REEP5: variants seen among roughly 807,000 people sequenced by gnomAD.
REEP5 encodes receptor expression-enhancing protein 5.
A neutral mutation model predicts 22.4 loss-of-function variants in REEP5; 24 were observed. The observed-to-expected ratio is 1.07, with a 90% CI of 0.78 to 1.51. The LOEUF (loss-of-function observed/expected upper bound fraction) is 1.51, where lower values mean the gene tolerates loss of function less well. Among genes scored for constraint, REEP5 ranks in the 40% most tolerant of loss-of-function variants. REEP5 has a pLI of 0.00. For synonymous variants in REEP5, 103 were observed against 88.6 expected, an observed-to-expected ratio of 1.16 and a Z score of -0.92; for missense variants, 252 against 233.0, an observed-to-expected ratio of 1.08 and a Z score of -0.53.
intron 2 of REEP5, among the ~76,000 whole-genome samples, chr5:112,919,501 G>A (rs536539225): frequency 4.6e-5 from 7 of 152,286 alleles, no homozygotes; most frequent in South Asian, 2.1e-4. Flanking sequence ...CAGGGATGGC[G>A]GTTGCAGTGA....
chr5:112,919,461 T>G (rs893572918), intron 2 of REEP5, among the ~76,000 whole-genome samples: 1 of 151,800 alleles, frequency 6.6e-6, no homozygotes, highest in African/African-American at 2.4e-5. Context: ...GGCAGGAGAA[T>G]TGCTTGAATT....
Position 112,887,082 on chromosome 5 carries a change from C to A in REEP5, c.453G>T (p.Gln151His). Reference sequence around the variant, plus strand: ...TAAGGTCCTTGACCACACTGTCCATCTGGGACTCGTGCTTCAGGAAGAAAG... The same window carrying A: ...TAAGGTCCTTGACCACACTGTCCATATGGGACTCGTGCTTCAGGAAGAAAG... ...IRPFFLKHES[Q>H]MDSVVKDLKD... Residue 151 changes from glutamine (Q) to histidine (H), a missense_variant, in exon 4 of 5, where the codon CAG becomes CAT. Coordinates refer to ENST00000379638, the MANE Select transcript of REEP5 (RefSeq NM_005669.5). The A allele has an allele frequency of 6.2e-7, 1 of 1,613,804 alleles. No individual in the cohort carries two copies.
intron 2 of REEP5, among the ~76,000 whole-genome samples, chr5:112,904,499 A>G (rs1438927004): frequency 6.6e-6 from 1 of 152,260 alleles, no homozygotes; most frequent in African/African-American, 2.4e-5. Flanking sequence ...GCTCACAACT[A>G]TGTACTTCCA....
intron 4 of REEP5, among the ~76,000 whole-genome samples, chr5:112,879,771 C>T (rs886273531): frequency 1.3e-5 from 2 of 152,022 alleles, no homozygotes; most frequent in Admixed American, 1.3e-4. Flanking sequence ...CCACCATGCC[C>T]GGCCTCTTCC....
chr5:112,878,482 G>C lies in REEP5; in HGVS notation c.*304C>G. On this transcript the variant is annotated 3_prime_UTR_variant, in exon 5 of 5. Transcript: ENST00000379638. ...AGCCCAGTAAAGTACACAGCCTGTG[G>C]GGTATATAATTTTATTTTAAGTTTA... The C allele has an allele frequency of 2.8e-6, 1 of 361,248 alleles. No individual in the cohort carries two copies. The highest frequency in any genetic ancestry group is 5.0e-6 in the Non-Finnish European group (1 of 201,002). 22.4% of individuals were successfully genotyped at this position (361,248 alleles called of 1,614,324 possible). A position where few individuals can be genotyped will look rare whatever the true frequency, so the allele number is the denominator to read the frequency against.
Position 112,913,575 on chromosome 5 carries a change from C to G in REEP5, c.212+7588G>C, listed in dbSNP as rs534937554. Among the ~76,000 whole-genome samples the G allele has an allele frequency of 5.6e-5, 8 of 141,920 alleles. No homozygotes were observed. In the South Asian group the frequency reaches 1.8e-3, roughly 33 times the overall value. The allele number at this position is 141,920 out of a possible 152,430, so 93.1% of individuals were successfully genotyped here. On this transcript the variant is annotated intron_variant, in intron 2 of 4. Transcript: ENST00000379638. ...AAAAAAAAAAAAAATTAAGATGAGTCTATAGAATACCTATAATGAAGTATA... is the reference window on the plus strand; with the variant it reads ...AAAAAAAAAAAAAATTAAGATGAGTGTATAGAATACCTATAATGAAGTATA...
chr5:112,890,245 C>G lies in REEP5; in HGVS notation c.352-3062G>C, dbSNP rs1486106424. On this transcript the variant is annotated intron_variant, in intron 3 of 4. Transcript: ENST00000379638. ...GTCGAGACTGCAGTGAGCTGTGATA[C>G]CATCACTGCAATCCAGGCTTGGTGA... Among the ~76,000 whole-genome samples, 19 of 150,318 alleles carry G rather than the reference C, an allele frequency of 1.3e-4. 3 individuals are homozygous for G. The East Asian group carries it at 3.9e-3, about 30-fold the overall frequency.
At chr5:112,919,824 A>T (rs1769312619) in intron 2 of REEP5, among the ~76,000 whole-genome samples, 1 of 152,188 alleles carries the variant, frequency 6.6e-6, no homozygotes, top group South Asian at 2.1e-4. Context: ...ATTTTGTTAT[A>T]GCAGCCCAAG....
At chr5:112,905,556 C>CAA (rs111300443) in intron 2 of REEP5, among the ~76,000 whole-genome samples, 9 of 143,124 alleles carry the variant, frequency 6.3e-5, no homozygotes, top group Non-Finnish European at 1.1e-4. Context: ...AAAAACAAAA[C>CAA]AAAAAAAAAA....
At chr5:112,886,033 T>C (rs80261473) in intron 4 of REEP5, among the ~76,000 whole-genome samples, 53 of 152,330 alleles carry the variant, frequency 3.5e-4, no homozygotes, top group African/African-American at 1.3e-3. Flanking sequence ...ACATGGCCTC[T>C]CCACTTGGTG....
At position 112,892,228 on chromosome 5, in the gene REEP5, A is replaced by G. The variant is rs1253489938; in HGVS notation, c.352-5045T>C. 9 of 1,614,170 alleles carry G rather than the reference A, an allele frequency of 5.6e-6. No homozygotes were observed. In the Middle Eastern group the frequency reaches 8.2e-4, roughly 148 times the overall value. ...TGGAGACAGATGTTCACGTAAACAT[A>G]ATTTCCCAACATCTAGTCCTACCCT... On this transcript the variant is annotated intron_variant, in intron 3 of 4. Coordinates refer to ENST00000379638, the MANE Select transcript of REEP5 (RefSeq NM_005669.5).
At chr5:112,893,020 C>G (rs770782704) in intron 3 of REEP5, 3 of 1,523,180 alleles carry the variant, frequency 2.0e-6, no homozygotes, top group Non-Finnish European at 2.7e-6. Flanking sequence ...GTGCCGAAGT[C>G]GTGGGAGGAG....
At chr5:112,897,595 C>G (rs1768730185) in intron 3 of REEP5, 1 of 152,146 alleles carries the variant, frequency 6.6e-6, no homozygotes. Flanking sequence ...CAGAGCAAAG[C>G]TCAGAATATG....
At chr5:112,913,526 T>C (rs999398959) in intron 2 of REEP5, among the ~76,000 whole-genome samples, 3 of 115,570 alleles carry the variant, frequency 2.6e-5, no homozygotes, top group African/African-American at 1.0e-4. Context: ...TGACAGAGTA[T>C]GACCCTGGCT....
chr5:112,892,667 A>G (rs1768517670), intron 3 of REEP5: 1 of 1,613,972 alleles, frequency 6.2e-7, no homozygotes, highest in Non-Finnish European at 8.5e-7. Flanking sequence ...CCCAACAATG[A>G]ATTCTGGGAA....
intron 4 of REEP5, 32 bp downstream of exon 4, chr5:112,886,981 TCA>T (rs1353193977): frequency 1.3e-6 from 2 of 1,511,728 alleles, no homozygotes; most frequent in Admixed American, 1.8e-5. Flanking sequence ...ACATCTCCTC[TCA>T]CATGTGGGGC....
intron 3 of REEP5, among the ~76,000 whole-genome samples, chr5:112,901,090 C>T (rs1047674188): frequency 6.6e-6 from 1 of 152,056 alleles, no homozygotes; most frequent in Non-Finnish European, 1.5e-5. Flanking sequence ...CTGCCCGCCT[C>T]GGCCTCCCAA....
chr5:112,876,704 C>T lies in REEP5; in HGVS notation c.*2082G>A, dbSNP rs1286596210. On this transcript the variant is annotated 3_prime_UTR_variant, in exon 5 of 5. Transcript: ENST00000379638. ...GCTCAATTAGTTTTTCAAACTCTAG[C>T]CAAGGCAGTATTTCATTTGGGAAAT... is the stretch of plus-strand genomic sequence containing the variant. 1 of 152,132 alleles carries T rather than the reference C, an allele frequency of 6.6e-6. No individual in the cohort carries two copies. Among genetic ancestry groups the T allele is most frequent in the Non-Finnish European group, 1.5e-5 (1 of 68,028 alleles). 9.4% of individuals were successfully genotyped at this position (152,132 alleles called of 1,614,324 possible).
chr5:112,893,094 T>TAAAAAA (rs552226372), intron 3 of REEP5: 70 of 501,452 alleles, frequency 1.4e-4, no homozygotes, highest in Middle Eastern at 6.8e-4. Flanking sequence ...GTTTTGTTCT[T>TAAAAAA]AAAAAAAAAA....
Sources: allele counts gnomAD v4.1 joint callset (sites outside exome capture counted in the v4.1 genomes callset), GRCh38; gene constraint gnomAD v4.1.1; transcripts MANE v1.5; gene names NCBI Gene and HGNC (gene_info 2026-07-23, HGNC 2026-07-21).